Variants in LCLAT1 observed in about 807,000 individuals in gnomAD.
The protein encoded by LCLAT1 is 1-AGP acyltransferase 8.
Under a neutral mutation model 30.7 loss-of-function variants are expected in LCLAT1, and 11 were observed. The ratio of observed to expected loss-of-function variants is 0.36; its 90% CI spans 0.23 to 0.59. The LOEUF is 0.59. Among genes scored for constraint, LCLAT1 ranks in the 20% least tolerant of loss-of-function variants. The pLI is 0.77. For missense variants in LCLAT1, 402 were observed against 458.6 expected, an observed-to-expected ratio of 0.88 and a Z score of 1.13; for synonymous variants, 155 against 151.3, an observed-to-expected ratio of 1.02 and a Z score of -0.18.
chr2:30,470,420 T>C (rs560426811), intron 1 of LCLAT1, among the ~76,000 whole-genome samples: 2 of 152,346 alleles, frequency 1.3e-5, no homozygotes, highest in East Asian at 1.9e-4. Flanking sequence ...CCTTTTGTTA[T>C]TTTTTACAAA....
At chr2:30,581,909 G>T (rs1666227996) in intron 5 of LCLAT1, among the ~76,000 whole-genome samples, 2 of 152,128 alleles carry the variant, frequency 1.3e-5, no homozygotes, top group South Asian at 4.1e-4. Flanking sequence ...CAGCTTTTCA[G>T]TGTTCTCAAC....
Position 30,525,660 on chromosome 2 carries a change from A to AT in LCLAT1, c.71dup (p.Met24IlefsTer79). On this transcript the variant is annotated frameshift_variant, in exon 2 of 6. Transcript: ENST00000379509. LOFTEE classifies it high-confidence loss of function. The stretch of plus-strand genomic sequence containing the variant: ...GGGAAGCTTTTTTGGAAGCATTTTC[A>AT]TGCTGAGTCCCTTTTTACCTTTGAT... The AT allele has an allele frequency of 1.2e-6, 2 of 1,614,100 alleles. No individual in the cohort carries two copies. Among genetic ancestry groups the AT allele is most frequent in the Non-Finnish European group, 1.7e-6 (2 of 1,179,944 alleles).
rs1667302014 is a variant in LCLAT1, at chr2:30,603,817, A to G, written c.628+35641A>G. 4.6e-5 allele frequency among the ~76,000 whole-genome samples: 7 copies of G among 152,168 alleles called. 1 individual carries two copies. The South Asian group carries it at 1.4e-3, about 32-fold the overall frequency. ...GAATGGCCCCAAGATGATGAAAGCAATAGATCATCTGACATATTTGAATGT... is the reference window on the plus strand; with the variant it reads ...GAATGGCCCCAAGATGATGAAAGCAGTAGATCATCTGACATATTTGAATGT... On this transcript the variant is annotated intron_variant, in intron 5 of 5. Coordinates refer to ENST00000379509, the MANE Select transcript of LCLAT1 (RefSeq NM_001002257.3).
At chr2:30,628,568 A>T (rs1365025862) in intron 5 of LCLAT1, among the ~76,000 whole-genome samples, 1 of 152,142 alleles carries the variant, frequency 6.6e-6, no homozygotes, top group East Asian at 1.9e-4. Context: ...AAGCAAGAAT[A>T]CTCACAGATC....
chr2:30,556,046 G>A (rs1183256573), intron 3 of LCLAT1, among the ~76,000 whole-genome samples: 3 of 151,696 alleles, frequency 2.0e-5, no homozygotes, highest in South Asian at 2.1e-4. Context: ...CGCCCACCTC[G>A]GCCTTCCAAA....
intron 3 of LCLAT1, among the ~76,000 whole-genome samples, chr2:30,549,541 G>T (rs1011123667): frequency 6.6e-6 from 1 of 152,142 alleles, no homozygotes; most frequent in Non-Finnish European, 1.5e-5. Context: ...TGGTGGAAAA[G>T]CACAAATGAA....
At chr2:30,547,448 C>G (rs796541766) in intron 3 of LCLAT1, among the ~76,000 whole-genome samples, 16 of 152,224 alleles carry the variant, frequency 1.1e-4, no homozygotes, top group African/African-American at 3.1e-4. Context: ...TGCACACATC[C>G]TATGACAGAG....
intron 1 of LCLAT1, among the ~76,000 whole-genome samples, chr2:30,453,693 A>G (rs1027647192): frequency 3.3e-5 from 5 of 152,232 alleles, no homozygotes; most frequent in Non-Finnish European, 7.3e-5. Context: ...TGCCTTCACT[A>G]CAGAGGTCAT....
chr2:30,474,541 A>G (rs1558461081), intron 1 of LCLAT1, among the ~76,000 whole-genome samples: 1 of 152,050 alleles, frequency 6.6e-6, no homozygotes, highest in Admixed American at 6.5e-5. Flanking sequence ...TGCCACAGAT[A>G]TTTGAGTACA....
intron 1 of LCLAT1, among the ~76,000 whole-genome samples, chr2:30,460,779 C>T (rs1479499762): frequency 6.6e-6 from 1 of 152,152 alleles, no homozygotes; most frequent in East Asian, 1.9e-4. Context: ...ATCCCCTGGT[C>T]TCTGGGGAGG....
rs1684417667 is a variant in LCLAT1 at position 30,501,962 on chromosome 2, C to G, written c.-4-23625C>G. On this transcript the variant is annotated intron_variant, in intron 1 of 5. Transcript: ENST00000379509. ...ATGTATATCAGTGATGGACTTTTGT[C>G]CAGTTCTTTAACGTAAGAAATCCTG... Among the ~76,000 whole-genome samples, 10 of 152,166 alleles carry G rather than the reference C, an allele frequency of 6.6e-5. No homozygotes were observed. The South Asian group carries it at 1.9e-3, about 28-fold the overall frequency.
intron 3 of LCLAT1, among the ~76,000 whole-genome samples, chr2:30,536,141 C>T (rs533705228): frequency 2.0e-5 from 3 of 152,232 alleles, no homozygotes; most frequent in East Asian, 1.9e-4. Context: ...GCTTACAGAA[C>T]ATGTGGAACA....
intron 5 of LCLAT1, among the ~76,000 whole-genome samples, chr2:30,574,018 C>T (rs1665891339): frequency 6.6e-6 from 1 of 151,946 alleles, no homozygotes; most frequent in South Asian, 2.1e-4. Context: ...GCACACACCT[C>T]TTAATCCCAG....
chr2:30,458,872 G>GCAC (rs1681962875), intron 1 of LCLAT1, among the ~76,000 whole-genome samples: 1 of 152,150 alleles, frequency 6.6e-6, no homozygotes. Context: ...AGTCTACTGT[G>GCAC]TGAATGTAAG....
chr2:30,530,701 A>G (rs1455009416), intron 2 of LCLAT1, among the ~76,000 whole-genome samples: 3 of 152,090 alleles, frequency 2.0e-5, no homozygotes, highest in Non-Finnish European at 4.4e-5. Context: ...ATGTTCCACA[A>G]TGCCTGGCCT....
chr2:30,540,755 C>T (rs866023719), intron 3 of LCLAT1, among the ~76,000 whole-genome samples: 1 of 151,838 alleles, frequency 6.6e-6, no homozygotes, highest in Non-Finnish European at 1.5e-5. Context: ...ATGTCCGCCT[C>T]CCGGGTTCAA....
intron 5 of LCLAT1, among the ~76,000 whole-genome samples, chr2:30,638,343 A>G (rs987422321): frequency 7.9e-5 from 12 of 152,150 alleles, no homozygotes; most frequent in Admixed American, 2.0e-4. Context: ...GTGCAATCTG[A>G]TTTTTCTGAC....
chr2:30,624,354 A>G lies in LCLAT1; in HGVS notation c.629-15763A>G, dbSNP rs183378536. Among the ~76,000 whole-genome samples, 234 of 152,332 alleles carry G rather than the reference A, an allele frequency of 1.5e-3. 1 individual carries two copies. The highest frequency in any genetic ancestry group is 5.3e-3 in the African/African-American group (222 of 41,574). ...ATGGATAACAATTCACCAACCAAGT[A>G]TCCGCTGTCTTCAAGAGACTCACCT... On this transcript the variant is annotated intron_variant, in intron 5 of 5. Coordinates refer to ENST00000379509, the MANE Select transcript of LCLAT1 (RefSeq NM_001002257.3).
intron 2 of LCLAT1, among the ~76,000 whole-genome samples, chr2:30,528,269 A>G (rs1685820494): frequency 6.6e-6 from 1 of 152,248 alleles, no homozygotes; most frequent in South Asian, 2.1e-4. Context: ...TTAATCTGGA[A>G]GAAATGCTGG....
Sources: allele counts gnomAD v4.1 joint callset (sites outside exome capture counted in the v4.1 genomes callset), GRCh38; gene constraint gnomAD v4.1.1; transcripts MANE v1.5; gene names NCBI Gene and HGNC (gene_info 2026-07-23, HGNC 2026-07-21).